Variants in MAMDC2 observed in about 807,000 individuals in gnomAD.
MAMDC2 encodes MAM domain containing 2.
Under a neutral mutation model 89.8 loss-of-function variants are expected in MAMDC2, and 57 were observed. The ratio of observed to expected loss-of-function variants is 0.63; its 90% CI spans 0.51 to 0.79. MAMDC2 has a LOEUF of 0.79. Among genes scored for constraint, MAMDC2 ranks in the 30% least tolerant of loss-of-function variants. The pLI, the probability that MAMDC2 is intolerant of heterozygous loss-of-function variation, is 0.00. For synonymous variants in MAMDC2, 313 were observed against 293.4 expected (o/e 1.07, Z -0.68); for missense variants, 800 against 820.6 (o/e 0.97, Z 0.31).
chr9:70,136,015 G>T (rs933647298), intron 7 of MAMDC2, among the ~76,000 whole-genome samples: 3 of 152,094 alleles, frequency 2.0e-5, no homozygotes, highest in African/African-American at 7.2e-5. Context: ...GCCAGGCATG[G>T]TGGTGCATGC....
intron 2 of MAMDC2, among the ~76,000 whole-genome samples, chr9:70,056,056 T>C (rs1435154328): frequency 2.6e-5 from 4 of 152,216 alleles, no homozygotes; most frequent in African/African-American, 9.6e-5. Context: ...TGAAAAACTT[T>C]TGCCTCACTG....
chr9:70,106,754 G>C (rs548002376), intron 2 of MAMDC2, among the ~76,000 whole-genome samples: 19 of 152,304 alleles, frequency 1.2e-4, no homozygotes, highest in Middle Eastern at 6.8e-3. Flanking sequence ...GTGGGCGGTT[G>C]CTATGTTAAG....
chr9:70,194,031 A>G (rs940243587), intron 11 of MAMDC2: 6 of 152,088 alleles, frequency 3.9e-5, no homozygotes, highest in Admixed American at 2.6e-4. Flanking sequence ...TTTTGTGTCT[A>G]TCAGAATCAA....
intron 11 of MAMDC2, among the ~76,000 whole-genome samples, chr9:70,213,669 C>G (rs2033397480): frequency 6.6e-6 from 1 of 152,168 alleles, no homozygotes; most frequent in Non-Finnish European, 1.5e-5. Flanking sequence ...AAAAAGTTTC[C>G]TTTCATCATT....
chr9:70,190,733 C>A (rs765816994), intron 11 of MAMDC2, among the ~76,000 whole-genome samples: 7 of 152,072 alleles, frequency 4.6e-5, no homozygotes, highest in Non-Finnish European at 8.8e-5. Context: ...CCACCTCAGG[C>A]AGCTGCAATG....
chr9:70,212,876 A>G (rs1437982611), intron 11 of MAMDC2, among the ~76,000 whole-genome samples: 3 of 152,178 alleles, frequency 2.0e-5, no homozygotes, highest in African/African-American at 7.2e-5. Flanking sequence ...AGACTTCAGG[A>G]GTCACATCTG....
intron 11 of MAMDC2, among the ~76,000 whole-genome samples, chr9:70,208,420 T>G (rs4378025): frequency 0.78 from 119,147 of 152,032 alleles, 46,828 homozygotes; most frequent in Admixed American, 0.83. Context: ...TCACTCATGA[T>G]TTGGCTCTCT....
chr9:70,183,953 T>C (rs929327547), intron 11 of MAMDC2, among the ~76,000 whole-genome samples: 2 of 152,232 alleles, frequency 1.3e-5, no homozygotes, highest in African/African-American at 2.4e-5. Context: ...TGGCTGTTAC[T>C]TGATGTAGTT....
chr9:70,108,074 G>A (rs1563957316), intron 2 of MAMDC2, 137 bp from the exon 3 acceptor site: 1 of 793,184 alleles, frequency 1.3e-6, no homozygotes, highest in Non-Finnish European at 1.9e-6. Context: ...GTGATCCAGT[G>A]TTCAGGCAAC....
intron 11 of MAMDC2, 64 bp downstream of exon 11, chr9:70,170,695 T>A (rs2032314462): frequency 6.9e-7 from 1 of 1,452,302 alleles, no homozygotes; most frequent in Non-Finnish European, 9.2e-7. Context: ...CTAGGAATCG[T>A]TTACTGCATT....
chr9:70,195,413 CAG>C (rs772164634), intron 11 of MAMDC2, among the ~76,000 whole-genome samples: 8 of 152,200 alleles, frequency 5.3e-5, no homozygotes, highest in Non-Finnish European at 1.0e-4. Context: ...CTGGCAGAAA[CAG>C]AAAGTTTTCT....
At chr9:70,059,844 T>C (rs1827108448) in intron 2 of MAMDC2, among the ~76,000 whole-genome samples, 1 of 152,168 alleles carries the variant, frequency 6.6e-6, no homozygotes, top group African/African-American at 2.4e-5. Flanking sequence ...ATTCATGAGC[T>C]CCCTTGACTG....
intron 9 of MAMDC2, among the ~76,000 whole-genome samples, chr9:70,166,304 CATAT>C (rs56121728): frequency 0.51 from 66,617 of 130,450 alleles, 19,617 homozygotes; most frequent in Non-Finnish European, 0.66. Context: ...CACACACACA[CATAT>C]ATATATATAC....
intron 2 of MAMDC2, among the ~76,000 whole-genome samples, chr9:70,064,080 TCTA>T (rs1463041060): frequency 6.6e-6 from 1 of 152,120 alleles, no homozygotes; most frequent in Non-Finnish European, 1.5e-5. Context: ...TTCTCACATC[TCTA>T]CTGACAATAA....
chr9:70,174,652 C>T (rs1587543917), intron 11 of MAMDC2, among the ~76,000 whole-genome samples: 3 of 151,736 alleles, frequency 2.0e-5, no homozygotes, highest in African/African-American at 7.3e-5. Context: ...GGAGACAGTG[C>T]TAGGAAATGA....
intron 6 of MAMDC2, among the ~76,000 whole-genome samples, chr9:70,129,120 T>C (rs532625375): frequency 4.6e-5 from 7 of 152,320 alleles, no homozygotes; most frequent in South Asian, 2.1e-4. Flanking sequence ...CTGATTGATA[T>C]GGTTTGGCTG....
At chr9:70,204,599 C>G (rs1044865872) in intron 11 of MAMDC2, among the ~76,000 whole-genome samples, 6 of 141,234 alleles carry the variant, frequency 4.2e-5, no homozygotes, top group Non-Finnish European at 9.4e-5. Context: ...TCGAGCTTCC[C>G]GGCTGCTTTG....
At chr9:70,220,884 G>C (rs1384377025) in intron 12 of MAMDC2, among the ~76,000 whole-genome samples, 1 of 152,198 alleles carries the variant, frequency 6.6e-6, no homozygotes. Flanking sequence ...CAGAGTTAGA[G>C]AGTCAAAGGA....
chr9:70,121,423 CT>C (rs1236287655), intron 5 of MAMDC2, among the ~76,000 whole-genome samples: 2 of 152,100 alleles, frequency 1.3e-5, no homozygotes, highest in African/African-American at 4.8e-5. Flanking sequence ...GCCTAGAAAC[CT>C]CAGGCTCTTT....
Sources: allele counts gnomAD v4.1 joint callset (sites outside exome capture counted in the v4.1 genomes callset), GRCh38; gene constraint gnomAD v4.1.1; transcripts MANE v1.5; gene names NCBI Gene and HGNC (gene_info 2026-07-23, HGNC 2026-07-21).